CSMD3: variants seen among roughly 807,000 people sequenced by gnomAD.
CSMD3 encodes CUB and Sushi multiple domains 3, also known as CUB and sushi domain-containing protein 3.
A neutral mutation model predicts 435.2 loss-of-function variants in CSMD3; 177 were observed. The observed-to-expected ratio is 0.41, with a 90% CI of 0.36 to 0.46. The LOEUF (loss-of-function observed/expected upper bound fraction) is 0.46, where lower values mean the gene tolerates loss of function less well. CSMD3 is among the 20% of genes least tolerant of loss of function. CSMD3 has a pLI of 0.34. For missense variants in CSMD3, 4,265 were observed against 4,504.6 expected (o/e 0.95, Z 1.52); for synonymous variants, 1,656 against 1,520.5 (o/e 1.09, Z -2.07).
Position 112,265,556 on chromosome 8 carries a change from A to G in CSMD3, c.9543T>C (p.Asn3181=), listed in dbSNP as rs1563710359. ...CATAATCATCTCCATATCTCAGTCC[A>G]TTGGCTGGTATACCTGGGTCTCCAC... is the stretch of plus-strand genomic sequence containing the variant. ...ISCGDPGIPA[N]GLRYGDDYVV... is the part of the protein sequence containing the mutation. The change falls in exon 60 of 71, where the codon AAT becomes AAC. Residue 3181 remains asparagine (N), a synonymous_variant. Transcript: ENST00000297405. 6.2e-7 allele frequency: 1 copy of G among 1,613,544 alleles called. No homozygotes were observed. The highest frequency in any genetic ancestry group is 8.5e-7 in the Non-Finnish European group (1 of 1,179,552).
intron 26 of CSMD3, 69 bp from the exon 27 acceptor site, chr8:112,550,942 A>G (rs551271620): frequency 1.9e-6 from 2 of 1,068,450 alleles, no homozygotes; most frequent in East Asian, 2.4e-5. Context: ...AATAGAACAA[A>G]TGTGCATTAT....
chr8:113,116,347 G>A (rs920574374), intron 4 of CSMD3, among the ~76,000 whole-genome samples: 3 of 152,076 alleles, frequency 2.0e-5, no homozygotes, highest in Middle Eastern at 3.2e-3. Flanking sequence ...GCCTTCGCTC[G>A]ATTCTCATTC....
intron 3 of CSMD3, among the ~76,000 whole-genome samples, chr8:113,195,741 CTATT>C (rs1437710891): frequency 2.1e-5 from 3 of 145,498 alleles, no homozygotes; most frequent in Non-Finnish European, 3.0e-5. Context: ...ATATCTCTAT[CTATT>C]TAACTTTTAC....
chr8:112,366,466 C>T lies in CSMD3; in HGVS notation c.6136+13886G>A, dbSNP rs146463860. Among the ~76,000 whole-genome samples the T allele has an allele frequency of 1.6e-4, 24 of 152,282 alleles. No individual in the cohort carries two copies. In the East Asian group the frequency reaches 4.2e-3, roughly 27 times the overall value. On this transcript the variant is annotated intron_variant, in intron 38 of 70. Transcript: ENST00000297405. ...AGGCTGGAGTGCAATGGCACAATCT[C>T]GGCGCACTGCAACCTCTGCCTCCCG...
chr8:113,415,682 A>G (rs2094578914), intron 1 of CSMD3, among the ~76,000 whole-genome samples: 1 of 152,138 alleles, frequency 6.6e-6, no homozygotes, highest in Non-Finnish European at 1.5e-5. Flanking sequence ...TTTTAAAATA[A>G]TGCTTAGTAT....
chr8:112,830,124 T>C (rs2079826082), intron 11 of CSMD3, among the ~76,000 whole-genome samples: 1 of 152,202 alleles, frequency 6.6e-6, no homozygotes, highest in South Asian at 2.1e-4. Context: ...AAAGCAAATC[T>C]ACTTTAAGAA....
intron 1 of CSMD3, among the ~76,000 whole-genome samples, chr8:113,334,618 T>C (rs1466036370): frequency 6.6e-6 from 1 of 152,112 alleles, no homozygotes; most frequent in Admixed American, 6.6e-5. Context: ...TCCTTGCTAT[T>C]GTTTCTAGAA....
At chr8:112,424,206 G>T (rs1303938943) in intron 32 of CSMD3, among the ~76,000 whole-genome samples, 1 of 152,016 alleles carries the variant, frequency 6.6e-6, no homozygotes, top group African/African-American at 2.4e-5. Context: ...AGCCCAGATC[G>T]ACGGCCAATA....
rs954468728 is a variant in CSMD3 at position 112,318,936 on chromosome 8, A to G, written c.7261T>C (p.Tyr2421His). The change falls in exon 47 of 71, where the codon TAT becomes CAT. Residue 2421 changes from tyrosine (Y) to histidine (H), a missense_variant. This residue lies in a region of CSMD3 where 3,255 missense variants were observed against 3,380.2 expected (regional missense o/e 0.96). Transcript: ENST00000297405. ...DEFEIGDIIR[Y>H]QCLPGFTLVG... ...AAAGTAAATCCTGGAAGACACTGAT[A>G]CCTAATAATATCACCTATTAAACAA... The G allele has an allele frequency of 1.9e-6, 3 of 1,604,968 alleles. No individual in the cohort carries two copies. The highest frequency in any genetic ancestry group is 4.5e-5 in the East Asian group (2 of 44,784).
chr8:112,391,677 AT>A (rs1005681896), intron 35 of CSMD3, among the ~76,000 whole-genome samples: 2 of 142,296 alleles, frequency 1.4e-5, no homozygotes, highest in African/African-American at 5.0e-5. Context: ...AGGAGACAGG[AT>A]AAGACTCCAT....
chr8:112,800,014 T>C (rs2078924102), intron 13 of CSMD3, 148 bp downstream of exon 13: 2 of 655,290 alleles, frequency 3.1e-6, no homozygotes, highest in Admixed American at 2.3e-5. Flanking sequence ...TTAACATTTG[T>C]AGTTAAATTA....
chr8:113,128,267 A>G (rs1171311180), intron 4 of CSMD3, among the ~76,000 whole-genome samples: 1 of 152,090 alleles, frequency 6.6e-6, no homozygotes, highest in Non-Finnish European at 1.5e-5. Context: ...GAATGAGTGA[A>G]TGAATTAATG....
At chr8:112,526,945 C>G (rs554749909) in intron 27 of CSMD3, among the ~76,000 whole-genome samples, 12 of 151,732 alleles carry the variant, frequency 7.9e-5, no homozygotes, top group Admixed American at 2.0e-4. Flanking sequence ...GCCAAAGATA[C>G]ACGTTACAAG....
intron 3 of CSMD3, among the ~76,000 whole-genome samples, chr8:113,224,685 TA>T (rs2093006537): frequency 6.6e-6 from 1 of 151,354 alleles, no homozygotes. Context: ...TAGAACATTA[TA>T]ATTACTATAA....
At chr8:112,989,653 C>T (rs984594619) in intron 6 of CSMD3, among the ~76,000 whole-genome samples, 1 of 151,908 alleles carries the variant, frequency 6.6e-6, no homozygotes, top group Non-Finnish European at 1.5e-5. Flanking sequence ...AGGTGTGACC[C>T]TACTAAGAGA....
At chr8:112,316,483 T>A (rs1280585177) in intron 47 of CSMD3, among the ~76,000 whole-genome samples, 3 of 151,776 alleles carry the variant, frequency 2.0e-5, no homozygotes, top group African/African-American at 7.2e-5. Context: ...AAATGACTGG[T>A]ATGATCCAAT....
chr8:112,998,680 G>C (rs2085745008), intron 6 of CSMD3, among the ~76,000 whole-genome samples: 1 of 151,860 alleles, frequency 6.6e-6, no homozygotes, highest in Non-Finnish European at 1.5e-5. Context: ...ATATGGTTTG[G>C]ATTTGTGTCT....
In CSMD3 at chr8:112,829,707, T is replaced by A. The variant is rs1564002901; in HGVS notation, c.1838A>T (p.Asp613Val). 6.2e-7 allele frequency: 1 copy of A among 1,609,786 alleles called. No individual in the cohort carries two copies. Among genetic ancestry groups the A allele is most frequent in the Non-Finnish European group, 8.5e-7 (1 of 1,176,232 alleles). Residue 613 changes from aspartate to valine, a missense_variant, in exon 12 of 71, where the codon GAT (aspartate) becomes GTT (valine). Physicochemically the swap from Asp to Val is radical, Grantham distance 152 (BLOSUM62 -3). Transcript: ENST00000297405. ...TTACACTTGGAGCACTGTCCTAGGA[T>A]CTCCAACTTCGCCCCCATCGCCAAT... ...LTIGDGGEVG[D>V]PRTVLQVLTG...
intron 1 of CSMD3, among the ~76,000 whole-genome samples, chr8:113,342,882 C>T (rs1225158225): frequency 6.6e-6 from 1 of 151,298 alleles, no homozygotes; most frequent in Non-Finnish European, 1.5e-5. Context: ...TCCCAATGTC[C>T]AATGATGAAT....
Sources: allele counts gnomAD v4.1 joint callset (sites outside exome capture counted in the v4.1 genomes callset), GRCh38; gene constraint gnomAD v4.1.1; regional missense constraint gnomAD v4.1.1; transcripts MANE v1.5; gene names NCBI Gene and HGNC (gene_info 2026-07-23, HGNC 2026-07-21).